FBXO16: variants seen among roughly 807,000 people sequenced by gnomAD.
The protein encoded by FBXO16 is F-box only protein 16.
A neutral mutation model predicts 41.0 loss-of-function variants in FBXO16; 31 were observed. The observed-to-expected ratio is 0.76, with a 90% confidence interval of 0.57 to 1.02. The LOEUF (loss-of-function observed/expected upper bound fraction) is 1.02. Among genes scored for constraint, FBXO16 ranks in the 50% least tolerant of loss-of-function variants. The pLI, the probability that FBXO16 is intolerant of heterozygous loss-of-function variation, is 0.00. For missense variants in FBXO16, 361 were observed against 346.2 expected (o/e 1.04, Z -0.34); for synonymous variants, 133 against 117.8 (o/e 1.13, Z -0.84).
intron 4 of FBXO16, among the ~76,000 whole-genome samples, chr8:28,462,331 T>C (rs1353007916): frequency 2.0e-5 from 3 of 149,700 alleles, no homozygotes; most frequent in African/African-American, 4.9e-5. Context: ...CAGGCTGGAG[T>C]GCAGTGGCGC....
chr8:28,483,533 T>C, intron 1 of FBXO16, 71 bp from the exon 2 acceptor site: 4 of 1,140,136 alleles, frequency 3.5e-6, no homozygotes, highest in Non-Finnish European at 5.2e-6. Context: ...AAATTACTAA[T>C]ACCAGCCAGG....
At chr8:28,452,154 G>A in intron 6 of FBXO16, 90 bp downstream of exon 6, 1 of 1,246,510 alleles carries the variant, frequency 8.0e-7, no homozygotes. Flanking sequence ...GTATTTCACA[G>A]TAAGTTCTAT....
chr8:28,484,063 G>GGT (rs1204012561), intron 1 of FBXO16, among the ~76,000 whole-genome samples: 8 of 152,084 alleles, frequency 5.3e-5, no homozygotes, highest in African/African-American at 1.7e-4. Flanking sequence ...GATAGCAAGT[G>GGT]GTGTAACTGG....
intron 4 of FBXO16, among the ~76,000 whole-genome samples, chr8:28,461,529 T>C (rs907875941): frequency 3.3e-5 from 5 of 151,688 alleles, no homozygotes; most frequent in African/African-American, 1.2e-4. Flanking sequence ...TCATTTCCTT[T>C]GCTCATTTTT....
chr8:28,442,402 G>A (rs1340582660), intron 7 of FBXO16, among the ~76,000 whole-genome samples: 1 of 150,940 alleles, frequency 6.6e-6, no homozygotes, highest in Admixed American at 6.6e-5. Flanking sequence ...TCTTCTTTTT[G>A]AGACAGAGTC....
chr8:28,454,342 G>A (rs1803001610), intron 5 of FBXO16, among the ~76,000 whole-genome samples: 4 of 151,764 alleles, frequency 2.6e-5, no homozygotes, highest in Admixed American at 2.6e-4. Flanking sequence ...AAGAGGTCTA[G>A]TTTAATACTG....
intron 3 of FBXO16, among the ~76,000 whole-genome samples, chr8:28,470,783 A>G (rs1258027876): frequency 2.6e-5 from 4 of 152,130 alleles, no homozygotes; most frequent in Admixed American, 2.6e-4. Context: ...CTGTAGGGAT[A>G]TTTGTATTTT....
At chr8:28,452,134 A>C in intron 6 of FBXO16, 110 bp downstream of exon 6, 1 of 1,089,456 alleles carries the variant, frequency 9.2e-7, no homozygotes, top group Non-Finnish European at 1.3e-6. Context: ...CTATGTACTG[A>C]AAAGCTTTTG....
intron 7 of FBXO16, among the ~76,000 whole-genome samples, chr8:28,431,765 T>C (rs1802608890): frequency 6.6e-6 from 1 of 152,244 alleles, no homozygotes; most frequent in Admixed American, 6.5e-5. Context: ...CATCTTCCTA[T>C]GGCTCCTCAG....
At chr8:28,466,179 C>G (rs1215466919) in intron 3 of FBXO16, among the ~76,000 whole-genome samples, 1 of 151,810 alleles carries the variant, frequency 6.6e-6, no homozygotes, top group Non-Finnish European at 1.5e-5. Flanking sequence ...GCGGAGGTTG[C>G]GGAGTGCTAT....
intron 3 of FBXO16, among the ~76,000 whole-genome samples, chr8:28,469,079 C>T (rs1200040516): frequency 6.6e-6 from 1 of 151,886 alleles, no homozygotes; most frequent in Non-Finnish European, 1.5e-5. Context: ...AAGGCCGAGG[C>T]AGGCGGATCA....
chr8:28,436,251 C>T (rs1203468654), intron 7 of FBXO16, among the ~76,000 whole-genome samples: 1 of 152,182 alleles, frequency 6.6e-6, no homozygotes, highest in Non-Finnish European at 1.5e-5. Context: ...TGGGGAAGGA[C>T]CCCTGCTGTC....
At chr8:28,441,596 C>T (rs142854081) in intron 7 of FBXO16, among the ~76,000 whole-genome samples, 1 of 151,614 alleles carries the variant, frequency 6.6e-6, no homozygotes, top group African/African-American at 2.4e-5. Context: ...ATTAGCCAAG[C>T]GTGGTGGCAG....
At chr8:28,442,269 A>G (rs540538371) in intron 7 of FBXO16, among the ~76,000 whole-genome samples, 139 of 152,064 alleles carry the variant, frequency 9.1e-4, no homozygotes, top group Non-Finnish European at 1.4e-3. Context: ...TTTGTTTTAT[A>G]TGGAATCTTG....
intron 4 of FBXO16, among the ~76,000 whole-genome samples, chr8:28,462,388 C>G (rs1803150698): frequency 6.6e-6 from 1 of 151,784 alleles, no homozygotes; most frequent in African/African-American, 2.4e-5. Flanking sequence ...ACGCCATTCT[C>G]CTGCCTCAGC....
chr8:28,444,653 AT>A (rs201349940), intron 7 of FBXO16, among the ~76,000 whole-genome samples: 1 of 147,374 alleles, frequency 6.8e-6, no homozygotes, highest in Non-Finnish European at 1.5e-5. Context: ...AATTTTTTGT[AT>A]TTTTTTTAGT....
chr8:28,440,055 T>C (rs1802745507), intron 7 of FBXO16, among the ~76,000 whole-genome samples: 1 of 151,404 alleles, frequency 6.6e-6, no homozygotes, highest in African/African-American at 2.4e-5. Context: ...GGGGTGTGAA[T>C]GCTTAGAAAC....
intron 3 of FBXO16, among the ~76,000 whole-genome samples, chr8:28,470,152 C>A (rs1218043566): frequency 2.0e-5 from 3 of 151,826 alleles, no homozygotes; most frequent in South Asian, 2.1e-4. Context: ...CGAGATCGTG[C>A]CACTGCACTC....
intron 4 of FBXO16, 122 bp downstream of exon 4, chr8:28,463,490 G>T: frequency 1.1e-6 from 1 of 910,896 alleles, no homozygotes; most frequent in Non-Finnish European, 1.7e-6. Flanking sequence ...GTGTGTGTTT[G>T]TGTGTATGTG....
Sources: gnomAD v4.1 joint callset for allele counts (sites outside exome capture counted in the v4.1 genomes callset) on GRCh38, gnomAD v4.1.1 for gene constraint, MANE v1.5 for transcripts, NCBI Gene and HGNC (gene_info 2026-07-23, HGNC 2026-07-21) for gene names.